PCDHA7: variants seen among roughly 807,000 people sequenced by gnomAD.
The protein encoded by PCDHA7 is protocadherin alpha-7.
A neutral mutation model predicts 57.2 loss-of-function variants in PCDHA7; 37 were observed. The observed-to-expected ratio is 0.65, with a 90% CI of 0.50 to 0.85. The LOEUF is 0.85. PCDHA7 is among the 40% of genes least tolerant of loss of function. PCDHA7 has a pLI of 0.00. For missense variants in PCDHA7, 1,188 were observed against 1,241.8 expected, an observed-to-expected ratio of 0.96 and a Z score of 0.65; for synonymous variants, 553 against 558.8, an observed-to-expected ratio of 0.99 and a Z score of 0.15.
chr5:140,879,051 T>A (rs1446827922), intron 1 of PCDHA7, among the ~76,000 whole-genome samples: 1 of 152,166 alleles, frequency 6.6e-6, no homozygotes, highest in Non-Finnish European at 1.5e-5. Flanking sequence ...ATAGACAACA[T>A]TTTACCAAGA....
intron 1 of PCDHA7, among the ~76,000 whole-genome samples, chr5:140,944,007 C>T (rs1181625750): frequency 1.3e-5 from 2 of 152,046 alleles, no homozygotes; most frequent in Non-Finnish European, 2.9e-5. Flanking sequence ...TGAGTACCCC[C>T]CAAAAGCAAT....
chr5:140,851,028 C>T lies in PCDHA7; in HGVS notation c.2355+14290C>T, dbSNP rs574627365. The T allele has an allele frequency of 7.8e-6, 11 of 1,410,018 alleles. 1 individual carries two copies. The highest frequency in any genetic ancestry group is 3.7e-5 in the South Asian group (2 of 54,752). 87.3% of individuals were successfully genotyped at this position (1,410,018 alleles called of 1,614,324 possible). ...GATTTTTTTTCTGATAAAGTAAACC[C>T]CTTAACATTGGAGCCGACTTTGTCT... On this transcript the variant is annotated intron_variant, in intron 1 of 3. Transcript: ENST00000525929.
intron 1 of PCDHA7, among the ~76,000 whole-genome samples, chr5:140,959,052 A>C (rs992294371): frequency 3.3e-5 from 5 of 152,078 alleles, no homozygotes; most frequent in Admixed American, 6.6e-5. Context: ...ATAGGAAAAA[A>C]TGCAGTATAT....
chr5:140,869,564 T>A, intron 1 of PCDHA7: 2 of 1,614,176 alleles, frequency 1.2e-6, no homozygotes, highest in South Asian at 2.2e-5. Context: ...CGTTTTCCAC[T>A]AGAGGGAGCT....
chr5:140,995,883 A>C (rs892876266), intron 3 of PCDHA7, among the ~76,000 whole-genome samples: 2 of 152,232 alleles, frequency 1.3e-5, no homozygotes, highest in Admixed American at 6.5e-5. Flanking sequence ...CCTGTGCTTC[A>C]GATTTATCAA....
chr5:140,936,744 T>A (rs1204618787), intron 1 of PCDHA7, among the ~76,000 whole-genome samples: 5 of 152,216 alleles, frequency 3.3e-5, no homozygotes, highest in Non-Finnish European at 5.9e-5. Context: ...AACTTTTCAT[T>A]TGTATTGATA....
At chr5:140,949,670 T>G (rs1218670800) in intron 1 of PCDHA7, among the ~76,000 whole-genome samples, 2 of 151,862 alleles carry the variant, frequency 1.3e-5, no homozygotes, top group African/African-American at 4.8e-5. Flanking sequence ...CTTTAAAGTA[T>G]GCCCTTGTTG....
At chr5:140,929,160 T>G in intron 1 of PCDHA7, 1 of 1,614,130 alleles carries the variant, frequency 6.2e-7, no homozygotes, top group East Asian at 2.2e-5. Context: ...CTTATCTCTA[T>G]CGGGCCTCTC....
In PCDHA7 at chr5:140,876,987, G is replaced by C. The variant is rs782251799; in HGVS notation, c.2355+40249G>C. 11 of 1,612,658 alleles carry C rather than the reference G, an allele frequency of 6.8e-6. No homozygotes were observed. The South Asian group carries it at 9.9e-5, about 14-fold the overall frequency. ...GGCGGGTGGGCGAGCACGCACTGTC[G>C]AGCTACGTGTCGGTGCACGCGGAGA... On this transcript the variant is annotated intron_variant, in intron 1 of 3. Coordinates refer to ENST00000525929, the MANE Select transcript of PCDHA7 (RefSeq NM_018910.3).
intron 3 of PCDHA7, among the ~76,000 whole-genome samples, chr5:140,993,715 G>A (rs954129865): frequency 2.0e-5 from 3 of 152,060 alleles, no homozygotes; most frequent in Non-Finnish European, 4.4e-5. Flanking sequence ...TATTTTTACT[G>A]TACCTTTTCT....
chr5:140,911,515 T>C (rs2075517327), intron 1 of PCDHA7, among the ~76,000 whole-genome samples: 1 of 152,226 alleles, frequency 6.6e-6, no homozygotes, highest in African/African-American at 2.4e-5. Flanking sequence ...CAGTATCTGC[T>C]TCTGAAGCTA....
At chr5:140,883,239 A>ACAAAGGAAATATTC in intron 1 of PCDHA7, 1 of 1,614,096 alleles carries the variant, frequency 6.2e-7, no homozygotes, top group Non-Finnish European at 8.5e-7. Context: ...GAGGCAGTTG[A>ACAAAGGAAATATTC]CAAAGGAAAT....
intron 1 of PCDHA7, among the ~76,000 whole-genome samples, chr5:140,941,202 C>CTTTCTTTCTTTCTTTCTTTCTTTCTTT (rs1554213921): frequency 8.1e-6 from 1 of 122,708 alleles, no homozygotes; most frequent in Admixed American, 8.6e-5. Context: ...TTTCTTTCTT[C>CTTTCTTTCTTTCTTTCTTTCTTTCTTT]CTTTCTTTCT....
At chr5:141,008,809 C>T (rs1397377778) in intron 3 of PCDHA7, among the ~76,000 whole-genome samples, 2 of 152,160 alleles carry the variant, frequency 1.3e-5, no homozygotes, top group African/African-American at 4.8e-5. Flanking sequence ...CAAATAGGCT[C>T]AATTTACAAC....
At chr5:140,978,818 C>T in intron 1 of PCDHA7, 131 bp from the exon 2 acceptor site, 4 of 1,512,636 alleles carry the variant, frequency 2.6e-6, no homozygotes, top group Non-Finnish European at 3.5e-6. Flanking sequence ...TAGAGTTACA[C>T]ATGAAATGGC....
chr5:140,870,054 T>A (rs895309313), intron 1 of PCDHA7: 2 of 1,613,676 alleles, frequency 1.2e-6, no homozygotes, highest in African/African-American at 2.7e-5. Flanking sequence ...TTTATAAAAT[T>A]GAAGTACAGG....
In PCDHA7 at chr5:140,928,306, C is replaced by T. The variant is rs782598364; in HGVS notation, c.2356-50643C>T. 7.6e-5 allele frequency: 122 copies of T among 1,613,984 alleles called. No individual in the cohort carries two copies. The highest frequency in any genetic ancestry group is 1.8e-4 in the Admixed American group (11 of 60,002). ...TCTAGGCCGAGTGTTTGCCCAGGAC[C>T]CCGACCTGGGGAAGAATGGCCTTGT... is the stretch of plus-strand genomic sequence containing the variant. On this transcript the variant is annotated intron_variant, in intron 1 of 3. Coordinates refer to ENST00000525929, the MANE Select transcript of PCDHA7 (RefSeq NM_018910.3).
intron 3 of PCDHA7, among the ~76,000 whole-genome samples, chr5:140,991,033 T>C (rs2097428117): frequency 6.6e-6 from 1 of 152,212 alleles, no homozygotes; most frequent in African/African-American, 2.4e-5. Context: ...ATATGTTGCA[T>C]ACTTAACTTT....
At chr5:140,841,445 G>C (rs1777235481) in intron 1 of PCDHA7, 6 of 1,612,934 alleles carry the variant, frequency 3.7e-6, no homozygotes, top group South Asian at 1.1e-5. Flanking sequence ...GGCCAAACAC[G>C]GCACCTTCGT....
Sources: allele counts gnomAD v4.1 joint callset (sites outside exome capture counted in the v4.1 genomes callset), GRCh38; gene constraint gnomAD v4.1.1; transcripts MANE v1.5; gene names NCBI Gene and HGNC (gene_info 2026-07-23, HGNC 2026-07-21).